PIGU: variants seen among roughly 807,000 people sequenced by gnomAD.
PIGU encodes the protein phosphatidylinositol glycan anchor biosynthesis class U, also known as GPI-anchor transamidase component PIGU.
In PIGU, 24 loss-of-function variants were observed where a neutral mutation model predicts 49.9. That is an observed-to-expected ratio of 0.48 (90% CI 0.35 to 0.68). The LOEUF (loss-of-function observed/expected upper bound fraction) is 0.68, where lower values mean the gene tolerates loss of function less well. Ranked by LOEUF, PIGU falls within the 30% of genes least tolerant of loss-of-function variation. PIGU has a pLI of 0.01. For missense variants in PIGU, 490 were observed against 532.6 expected (o/e 0.92, Z 0.79); for synonymous variants, 220 against 205.7 (o/e 1.07, Z -0.59).
Position 34,668,867 on chromosome 20 carries a change from CTTTTTTTTTTTTTT to C in PIGU, c.130+8075_130+8088del, listed in dbSNP as rs374136983. Among the ~76,000 whole-genome samples, 8 of 44,714 alleles carry C rather than the reference CTTTTTTTTTTTTTT, an allele frequency of 1.8e-4. No individual in the cohort carries two copies. The South Asian group carries it at 3.1e-3, about 17-fold the overall frequency. 29.3% of individuals were successfully genotyped at this position (44,714 alleles called of 152,430 possible). A position where few individuals can be genotyped will look rare whatever the true frequency, so the allele number is the denominator to read the frequency against. On this transcript the variant is annotated intron_variant, in intron 1 of 11. Coordinates refer to ENST00000217446, the MANE Select transcript of PIGU (RefSeq NM_080476.5). ...AAAAATTAGTGAAAAAATGGTAAAA[CTTTTTTTTTTTTTT>C]TTTTTTTTTTTTTTTTTTTACACAG...
chr20:34,669,177 T>G (rs979550571), intron 1 of PIGU, among the ~76,000 whole-genome samples: 9 of 152,054 alleles, frequency 5.9e-5, no homozygotes, highest in African/African-American at 2.2e-4. Context: ...ATAGCCACTG[T>G]GCCCAGCAAA....
intron 1 of PIGU, among the ~76,000 whole-genome samples, chr20:34,664,959 G>A (rs570388245): frequency 6.6e-5 from 10 of 151,982 alleles, no homozygotes; most frequent in African/African-American, 2.2e-4. Flanking sequence ...CAGCCTGGGC[G>A]ACAGAGCCAG....
chr20:34,581,072 G>A (rs1401263958), intron 10 of PIGU, among the ~76,000 whole-genome samples: 1 of 152,174 alleles, frequency 6.6e-6, no homozygotes, highest in African/African-American at 2.4e-5. Flanking sequence ...CACACAAGTG[G>A]CTAGTTACCC....
At chr20:34,564,238 T>C (rs546925880) in intron 11 of PIGU, among the ~76,000 whole-genome samples, 200 of 152,318 alleles carry the variant, frequency 1.3e-3, no homozygotes, top group Middle Eastern at 3.4e-3. Flanking sequence ...TGTCTTAGTT[T>C]TGACAAACAC....
intron 4 of PIGU, among the ~76,000 whole-genome samples, chr20:34,640,455 A>G (rs1986114301): frequency 6.6e-6 from 1 of 152,018 alleles, no homozygotes; most frequent in Admixed American, 6.6e-5. Context: ...AAAGTGGCTA[A>G]AATCAATGGA....
chr20:34,646,118 T>C (rs1986336798), intron 2 of PIGU, among the ~76,000 whole-genome samples: 1 of 152,176 alleles, frequency 6.6e-6, no homozygotes, highest in Non-Finnish European at 1.5e-5. Flanking sequence ...GAAAGATTAA[T>C]GTTATTTCTT....
intron 7 of PIGU, among the ~76,000 whole-genome samples, chr20:34,604,004 A>G (rs1308188629): frequency 6.6e-6 from 1 of 152,130 alleles, no homozygotes; most frequent in Non-Finnish European, 1.5e-5. Context: ...AGATCTTACA[A>G]TTCCTCAAAA....
At position 34,650,838 on chromosome 20, in the gene PIGU, C is replaced by T. The variant is rs188254698; in HGVS notation, c.196-5504G>A. On this transcript the variant is annotated intron_variant, in intron 2 of 11. Coordinates refer to ENST00000217446, the MANE Select transcript of PIGU (RefSeq NM_080476.5). ...AAGTGATTCTCCTGCCTCAGCCTCC[C>T]GAGTAGCTGGGACTACAGGCATGCA... Among the ~76,000 whole-genome samples, 1,235 of 149,206 alleles carry T rather than the reference C, an allele frequency of 8.3e-3. 25 individuals carry two copies. Among genetic ancestry groups the T allele is most frequent in the African/African-American group, 0.029 (1,194 of 40,628 alleles).
intron 2 of PIGU, among the ~76,000 whole-genome samples, chr20:34,652,024 T>C (rs550309964): frequency 6.6e-6 from 1 of 152,254 alleles, no homozygotes; most frequent in East Asian, 1.9e-4. Flanking sequence ...TTTTGAGTCA[T>C]GATTTTACTC....
intron 7 of PIGU, among the ~76,000 whole-genome samples, chr20:34,592,820 G>T (rs6087605): frequency 0.44 from 66,510 of 151,828 alleles, 15,151 homozygotes; most frequent in Non-Finnish European, 0.49. Context: ...AGAATGCCTA[G>T]TTCTTAAGAG....
At chr20:34,590,914 A>G (rs144477036) in intron 7 of PIGU, among the ~76,000 whole-genome samples, 2,090 of 151,956 alleles carry the variant, frequency 0.014, 52 homozygotes, top group African/African-American at 0.048. Flanking sequence ...CCAGCTACTC[A>G]GGAGGCTGAG....
At chr20:34,578,869 C>G (rs1378710418) in intron 10 of PIGU, 3 of 152,188 alleles carry the variant, frequency 2.0e-5, no homozygotes, top group Admixed American at 6.5e-5. Context: ...AAGGCTTCAC[C>G]CTTCATCAGA....
intron 7 of PIGU, among the ~76,000 whole-genome samples, chr20:34,607,664 G>A (rs920688594): frequency 6.6e-6 from 1 of 152,216 alleles, no homozygotes; most frequent in African/African-American, 2.4e-5. Flanking sequence ...ACTGAGATGT[G>A]AAATGCTTAA....
intron 4 of PIGU, among the ~76,000 whole-genome samples, chr20:34,640,932 T>C (rs187759322): frequency 4.7e-4 from 72 of 152,300 alleles, no homozygotes; most frequent in African/African-American, 1.6e-3. Context: ...TCTTGCTCTG[T>C]CACCAGGATG....
chr20:34,578,192 G>A (rs1983316481), intron 10 of PIGU, among the ~76,000 whole-genome samples: 1 of 152,166 alleles, frequency 6.6e-6, no homozygotes, highest in Non-Finnish European at 1.5e-5. Context: ...GGCCTGGAGG[G>A]CTTGCAAGAT....
chr20:34,655,819 C>G lies in PIGU; in HGVS notation c.195+1361G>C, dbSNP rs372661875. ...GAACATTCAAAGGTGCCGAGCAAGACGGTGACAGAAACAGATTCACATTTT... is the reference window on the plus strand; with the variant it reads ...GAACATTCAAAGGTGCCGAGCAAGAGGGTGACAGAAACAGATTCACATTTT... On this transcript the variant is annotated intron_variant, in intron 2 of 11. Coordinates refer to ENST00000217446, the MANE Select transcript of PIGU (RefSeq NM_080476.5). Among the ~76,000 whole-genome samples, 2 of 121,414 alleles carry G rather than the reference C, an allele frequency of 1.6e-5. 1 individual carries two copies. Among genetic ancestry groups the G allele is most frequent in the Admixed American group, 2.2e-4 (2 of 9,270 alleles). 79.7% of individuals were successfully genotyped at this position (121,414 alleles called of 152,430 possible).
At chr20:34,657,308 T>C in intron 1 of PIGU, 64 bp from the exon 2 acceptor site, 2 of 1,229,360 alleles carry the variant, frequency 1.6e-6, no homozygotes, top group East Asian at 2.3e-5. Flanking sequence ...AATTGTTAGA[T>C]ACCCCCACAA....
chr20:34,666,465 A>G (rs887580924), intron 1 of PIGU, among the ~76,000 whole-genome samples: 7 of 148,328 alleles, frequency 4.7e-5, no homozygotes, highest in African/African-American at 1.8e-4. Context: ...TTTTTTTTTG[A>G]TAAAGACTCT....
Position 34,649,051 on chromosome 20 carries a change from T to C in PIGU, c.196-3717A>G, listed in dbSNP as rs1038869650. On this transcript the variant is annotated intron_variant, in intron 2 of 11. Transcript: ENST00000217446. The stretch of plus-strand genomic sequence containing the variant: ...CCCAGCTAATTTTTTATATTTTTAG[T>C]AGAGATGGGGTTTCACTGTCTTAGC... Among the ~76,000 whole-genome samples, 48 of 152,092 alleles carry C rather than the reference T, an allele frequency of 3.2e-4. 1 individual carries two copies. The highest frequency in any genetic ancestry group is 1.2e-3 in the African/African-American group (48 of 41,416).
Sources: allele counts gnomAD v4.1 joint callset (sites outside exome capture counted in the v4.1 genomes callset), GRCh38; gene constraint gnomAD v4.1.1; transcripts MANE v1.5; gene names NCBI Gene and HGNC (gene_info 2026-07-23, HGNC 2026-07-21).